Variants in ADAM32 observed in about 807,000 individuals in gnomAD.
ADAM32 encodes the protein ADAM metallopeptidase domain 32, also known as disintegrin and metalloproteinase domain-containing protein 32.
Under a neutral mutation model 114.9 loss-of-function variants are expected in ADAM32, and 89 were observed. That is an observed-to-expected ratio of 0.77 (90% CI 0.65 to 0.92). The LOEUF (loss-of-function observed/expected upper bound fraction) is 0.92, where lower values mean the gene tolerates loss of function less well. Ranked by LOEUF, ADAM32 falls within the 40% of genes least tolerant of loss-of-function variation. ADAM32 has a pLI of 0.00. For synonymous variants in ADAM32, 285 were observed against 307.5 expected, an observed-to-expected ratio of 0.93 and a Z score of 0.77; for missense variants, 870 against 932.8, an observed-to-expected ratio of 0.93 and a Z score of 0.88.
chr8:39,279,347 C>T (rs551415945), intron 22 of ADAM32, among the ~76,000 whole-genome samples: 12 of 152,202 alleles, frequency 7.9e-5, no homozygotes, highest in South Asian at 4.1e-4. Flanking sequence ...TGCAGTGGCG[C>T]GAGCTCAGCT....
intron 1 of ADAM32, among the ~76,000 whole-genome samples, chr8:39,108,397 G>T (rs1236575660): frequency 6.6e-6 from 1 of 152,198 alleles, no homozygotes; most frequent in East Asian, 1.9e-4. Context: ...TAGTTCTCCA[G>T]AACTATGAGG....
At chr8:39,202,634 A>C (rs933364062) in intron 11 of ADAM32, among the ~76,000 whole-genome samples, 1 of 152,046 alleles carries the variant, frequency 6.6e-6, no homozygotes, top group African/African-American at 2.4e-5. Context: ...TATCTCCTTC[A>C]GTTCTGCTCT....
intron 14 of ADAM32, among the ~76,000 whole-genome samples, chr8:39,224,932 T>A (rs1476863732): frequency 6.6e-6 from 1 of 151,932 alleles, no homozygotes. Flanking sequence ...TATATGGAGG[T>A]GGTTATGAAC....
At chr8:39,169,782 G>A in intron 9 of ADAM32, 134 bp from the exon 10 acceptor site, 1 of 550,316 alleles carries the variant, frequency 1.8e-6, no homozygotes, top group Non-Finnish European at 3.1e-6. Context: ...AACAATTGAG[G>A]ACATATGGAA....
chr8:39,246,944 AT>A (rs1455216904), intron 17 of ADAM32, among the ~76,000 whole-genome samples: 1 of 152,170 alleles, frequency 6.6e-6, no homozygotes, highest in Non-Finnish European at 1.5e-5. Context: ...TTTCATTGAA[AT>A]CATATAGTAT....
At chr8:39,274,702 G>T (rs1227901638) in intron 21 of ADAM32, among the ~76,000 whole-genome samples, 2 of 152,218 alleles carry the variant, frequency 1.3e-5, no homozygotes, top group East Asian at 3.8e-4. Context: ...TGGTAAATGA[G>T]AAACCACATG....
intron 12 of ADAM32, among the ~76,000 whole-genome samples, chr8:39,219,102 C>G (rs1368298139): frequency 6.6e-6 from 1 of 152,040 alleles, no homozygotes; most frequent in Non-Finnish European, 1.5e-5. Context: ...GATCAGTGCC[C>G]TATCTTATTG....
rs1251862192 is a variant in ADAM32, at chr8:39,224,316, G to A, written c.1525+1078G>A. Among the ~76,000 whole-genome samples the A allele has an allele frequency of 2.0e-5, 3 of 152,154 alleles. No individual in the cohort carries two copies. The East Asian group carries it at 5.8e-4, about 29-fold the overall frequency. On this transcript the variant is annotated intron_variant, in intron 14 of 24. Coordinates refer to ENST00000379907, the MANE Select transcript of ADAM32 (RefSeq NM_145004.7). Reference sequence around the variant, plus strand: ...TCAGTTGGGATTGGTGAATCATAAGGTAGTTCTACTTTTGATTTCTAAGGA... The same window carrying A: ...TCAGTTGGGATTGGTGAATCATAAGATAGTTCTACTTTTGATTTCTAAGGA...
chr8:39,169,165 C>T (rs1490551588), intron 9 of ADAM32: 1 of 152,174 alleles, frequency 6.6e-6, no homozygotes, highest in African/African-American at 2.4e-5. Context: ...AGATTCTTTA[C>T]TCACATCCTG....
Position 39,160,982 on chromosome 8 carries a change from T to G in ADAM32, c.594+17T>G, listed in dbSNP as rs1554603453. The G allele has an allele frequency of 6.4e-7, 1 of 1,551,940 alleles. No individual in the cohort carries two copies. The highest frequency in any genetic ancestry group is 1.2e-5 in the South Asian group (1 of 80,128). On this transcript the variant is annotated intron_variant, in intron 7 of 24. Transcript: ENST00000379907. Reference sequence around the variant, plus strand: ...AAAACTTTGGTATGTGTTTTGCTTTTTCTTTGCTTTGAAATATTTGATCCA... The same window carrying G: ...AAAACTTTGGTATGTGTTTTGCTTTGTCTTTGCTTTGAAATATTTGATCCA...
intron 6 of ADAM32, among the ~76,000 whole-genome samples, chr8:39,153,980 C>T (rs934173503): frequency 6.7e-5 from 10 of 148,568 alleles, no homozygotes; most frequent in South Asian, 2.1e-4. Flanking sequence ...TTTGTCTGGA[C>T]AAGTGTTGGA....
Position 39,211,547 on chromosome 8 carries a change from CAGG to C in ADAM32, c.1233+226_1233+228del, listed in dbSNP as rs571050179. Among the ~76,000 whole-genome samples the C allele has an allele frequency of 3.2e-3, 480 of 152,198 alleles. 2 individuals are homozygous for C. Among genetic ancestry groups the C allele is most frequent in the African/African-American group, 0.011 (458 of 41,524 alleles). ...GCAAAAAATTATTGGTAATGGGAAA[CAGG>C]AGAGTCTAGAATAAGCTTTTGAGTT... is the stretch of plus-strand genomic sequence containing the variant. On this transcript the variant is annotated intron_variant, in intron 12 of 24. Coordinates refer to ENST00000379907, the MANE Select transcript of ADAM32 (RefSeq NM_145004.7).
chr8:39,225,208 C>A (rs1809272409), intron 14 of ADAM32, among the ~76,000 whole-genome samples: 1 of 152,184 alleles, frequency 6.6e-6, no homozygotes, highest in South Asian at 2.1e-4. Flanking sequence ...GCACTGTGTG[C>A]ACTCATACGT....
intron 11 of ADAM32, among the ~76,000 whole-genome samples, chr8:39,187,350 C>T (rs1450973853): frequency 6.6e-6 from 1 of 152,190 alleles, no homozygotes; most frequent in African/African-American, 2.4e-5. Context: ...CGGCTCACTG[C>T]AAGCTCTGCC....
chr8:39,132,243 T>C (rs1230453216), intron 2 of ADAM32, among the ~76,000 whole-genome samples: 2 of 152,244 alleles, frequency 1.3e-5, no homozygotes, highest in Admixed American at 6.5e-5. Flanking sequence ...CTATTTCTGC[T>C]TTTTGGTTTG....
intron 11 of ADAM32, among the ~76,000 whole-genome samples, chr8:39,194,240 G>GT (rs1806804359): frequency 6.6e-6 from 1 of 152,190 alleles, no homozygotes; most frequent in South Asian, 2.1e-4. Flanking sequence ...TGGCTGCTCA[G>GT]TGAAGGGGTG....
intron 11 of ADAM32, among the ~76,000 whole-genome samples, chr8:39,190,319 T>C (rs1806524683): frequency 6.6e-6 from 1 of 152,242 alleles, no homozygotes. Context: ...GTTTATTCCA[T>C]GTTTTGGCTA....
intron 2 of ADAM32, among the ~76,000 whole-genome samples, chr8:39,118,923 A>G (rs1166921954): frequency 6.6e-6 from 1 of 152,208 alleles, no homozygotes; most frequent in African/African-American, 2.4e-5. Flanking sequence ...GTTCTTCTCC[A>G]GCCCTTGGCA....
At position 39,228,478 on chromosome 8, in the gene ADAM32, A is replaced by G. The variant is rs115469257; in HGVS notation, c.1526-3549A>G. Among the ~76,000 whole-genome samples the G allele has an allele frequency of 5.4e-3, 829 of 152,326 alleles. 10 individuals are homozygous for G. Among genetic ancestry groups the G allele is most frequent in the African/African-American group, 0.019 (790 of 41,570 alleles). On this transcript the variant is annotated intron_variant, in intron 14 of 24. Coordinates refer to ENST00000379907, the MANE Select transcript of ADAM32 (RefSeq NM_145004.7). ...ATTATTCAAGGAAATAGGTAGCTTA[A>G]AGAAAAAACATAAAAAATTCTGGGA...
Sources: allele counts gnomAD v4.1 joint callset (sites outside exome capture counted in the v4.1 genomes callset), GRCh38; gene constraint gnomAD v4.1.1; transcripts MANE v1.5; gene names NCBI Gene and HGNC (gene_info 2026-07-23, HGNC 2026-07-21).